The following EMG1 variants were observed in gnomAD, a reference collection of about 807,000 sequenced individuals.
EMG1 encodes ribosomal RNA small subunit methyltransferase NEP1.
EMG1 carries 24 observed loss-of-function variants against 26.9 expected under a neutral mutation model. The ratio of observed to expected loss-of-function variants is 0.89; its 90% confidence interval spans 0.65 to 1.26. EMG1 has a LOEUF of 1.26. EMG1 is among the 50% of genes most tolerant of loss of function. The pLI is 0.00. For synonymous variants in EMG1, 140 were observed against 112.6 expected (o/e 1.24, Z -1.54); for missense variants, 299 against 307.6 (o/e 0.97, Z 0.21).
Position 6,978,001 on chromosome 12 carries a change from G to T in EMG1, c.*2192G>T. 1 of 569,640 alleles carries T rather than the reference G, an allele frequency of 1.8e-6. No individual in the cohort carries two copies. The highest frequency in any genetic ancestry group is 4.7e-4 in the Middle Eastern group (1 of 2,108). 35.3% of individuals were successfully genotyped at this position (569,640 alleles called of 1,614,324 possible). A position where few individuals can be genotyped will look rare whatever the true frequency, so the allele number is the denominator to read the frequency against. ...ACTGAGGCTGATGCTGAGATCAGTG[G>T]TGAACCAGACACTCTACTCAAGCTG... On this transcript the variant is annotated 3_prime_UTR_variant, in exon 6 of 6. Coordinates refer to ENST00000599672, the MANE Select transcript of EMG1 (RefSeq NM_006331.8).
chr12:6,990,120 A>G (rs1946573473), downstream of EMG1, among the ~76,000 whole-genome samples: 1 of 151,616 alleles, frequency 6.6e-6, no homozygotes, highest in Admixed American at 6.6e-5. Flanking sequence ...AGAAGCTACA[A>G]TGAGCTACGA....
At chr12:6,983,644 A>G, downstream of EMG1, 2 of 710,596 alleles carry the variant, frequency 2.8e-6, no homozygotes. Flanking sequence ...GGAGAGAGAA[A>G]AAAAAAACAA....
Position 6,977,591 on chromosome 12 carries a change from G to T in EMG1, c.*1782G>T. The T allele has an allele frequency of 6.2e-7, 1 of 1,614,172 alleles. No individual in the cohort carries two copies. Among genetic ancestry groups the T allele is most frequent in the Non-Finnish European group, 8.5e-7 (1 of 1,180,030 alleles). Reference sequence around the variant, plus strand: ...TATTCCCCTTCACCCCCACCCTGGAGGCCTACCTGTCTTTCCACAATAACA... The same window carrying T: ...TATTCCCCTTCACCCCCACCCTGGATGCCTACCTGTCTTTCCACAATAACA... On this transcript the variant is annotated 3_prime_UTR_variant, in exon 6 of 6. Coordinates refer to ENST00000599672, the MANE Select transcript of EMG1 (RefSeq NM_006331.8). This position sits in a 1 kb window ranked among gnomAD's most constrained non-coding sequence, Gnocchi z 4.5.
downstream of EMG1, chr12:6,980,073 G>A (rs1946454878): frequency 6.6e-6 from 1 of 150,628 alleles, no homozygotes; most frequent in African/African-American, 2.5e-5. Flanking sequence ...CTAGAGTCAG[G>A]GCCTTGCTCT....
At position 6,975,327 on chromosome 12, in the gene EMG1, G is replaced by A; in HGVS notation, c.570G>A (p.Val190=). 6.2e-7 allele frequency: 1 copy of A among 1,608,368 alleles called. No homozygotes were observed. The highest frequency in any genetic ancestry group is 1.1e-5 in the South Asian group (1 of 90,240). The change falls in exon 5 of 6, where the codon GTG becomes GTA. Residue 190 remains valine (V), a synonymous_variant. Transcript: ENST00000599672. ...IPVVSDVREL[V]PSSDPIVFVV... ...TTGTCAGTGATGTGCGTGAGCTGGT[G>A]CCCAGCAGTGATCCTATTGTTTTTG...
At position 6,975,242 on chromosome 12, in the gene EMG1, C is replaced by T. The variant is rs781882780; in HGVS notation, c.485C>T (p.Pro162Leu). 1.9e-6 allele frequency: 3 copies of T among 1,613,822 alleles called. No homozygotes were observed. In the Admixed American group the frequency reaches 5.0e-5, roughly 27 times the overall value. The change falls in exon 5 of 6, where the codon CCA becomes CTA. Residue 162 changes from proline (P) to leucine (L), a missense_variant. By Grantham distance (98) the Pro-to-Leu change is moderately conservative (BLOSUM62 -3). Coordinates refer to ENST00000599672, the MANE Select transcript of EMG1 (RefSeq NM_006331.8). ...TTTTTACTTTAGGTAATTAAGAATCCAGTATCAGATCACTTTCCAGTTGGA... is the reference window on the plus strand; with the variant it reads ...TTTTTACTTTAGGTAATTAAGAATCTAGTATCAGATCACTTTCCAGTTGGA... ...PQKLLKVIKNPVSDHFPVGCM... is the reference protein window; with the variant it reads ...PQKLLKVIKNLVSDHFPVGCM...
At chr12:6,994,557 TC>T (rs1555155851) in intron 7 of EMG1, among the ~76,000 whole-genome samples, 2 of 151,948 alleles carry the variant, frequency 1.3e-5, no homozygotes, top group African/African-American at 4.8e-5. Context: ...GCCTCAACTT[TC>T]TAGGTTCAAG....
At chr12:6,973,132 A>C (rs1946352823) in intron 1 of EMG1, among the ~76,000 whole-genome samples, 1 of 150,956 alleles carries the variant, frequency 6.6e-6, no homozygotes, top group Non-Finnish European at 1.5e-5. Flanking sequence ...AAGCCACCAC[A>C]CCTGGCTACT....
downstream of EMG1, chr12:6,982,573 T>C: frequency 1.2e-6 from 1 of 818,956 alleles, no homozygotes; most frequent in Non-Finnish European, 2.0e-6. Context: ...GGAGAGGGGT[T>C]AGAAATTAGG....
At chr12:6,993,915 A>G (rs1555155789) in intron 7 of EMG1, among the ~76,000 whole-genome samples, 3 of 152,120 alleles carry the variant, frequency 2.0e-5, no homozygotes, top group Non-Finnish European at 2.9e-5. Context: ...CCCAGCCTGG[A>G]TACTCTGCAT....
At chr12:6,992,066 C>T (rs782008721), downstream of EMG1, among the ~76,000 whole-genome samples, 1 of 151,144 alleles carries the variant, frequency 6.6e-6, no homozygotes, top group Non-Finnish European at 1.5e-5. Flanking sequence ...GTGGTGCATA[C>T]CAGTTAAAAA....
In EMG1 at chr12:6,979,687, T is replaced by G. The variant is rs1195322621; in HGVS notation, c.*3878T>G. The G allele has an allele frequency of 1.4e-6, 1 of 730,450 alleles. No individual in the cohort carries two copies. The highest frequency in any genetic ancestry group is 2.4e-6 in the Non-Finnish European group (1 of 417,632). The allele number at this position is 730,450 out of a possible 1,614,324, so 45.2% of individuals were successfully genotyped here. A position where few individuals can be genotyped will look rare whatever the true frequency, so the allele number is the denominator to read the frequency against. On this transcript the variant is annotated 3_prime_UTR_variant, in exon 6 of 6. Transcript: ENST00000599672. ...GTGTTTAGGGGTGTGGTTGTCTACC[T>G]GGAATGGGATGAGAAGCTCTGCTGC...
chr12:6,975,763 G>A lies in EMG1; in HGVS notation c.689G>A (p.Cys230Tyr). Residue 230 changes from cysteine (C) to tyrosine (Y), a missense_variant, in exon 6 of 6, where the codon TGT (cysteine) becomes TAT (tyrosine). Coordinates refer to ENST00000599672, the MANE Select transcript of EMG1 (RefSeq NM_006331.8). ...TACCCCCTTTCTGCTGCCCTCACCTGTGCAAAACTTACCACAGCCTTTGAG... is the reference window on the plus strand; with the variant it reads ...TACCCCCTTTCTGCTGCCCTCACCTATGCAAAACTTACCACAGCCTTTGAG... ...SNYPLSAALT[C>Y]AKLTTAFEEV... is the part of the protein sequence containing the mutation. 6.2e-7 allele frequency: 1 copy of A among 1,613,584 alleles called. No homozygotes were observed. The highest frequency in any genetic ancestry group is 8.5e-7 in the Non-Finnish European group (1 of 1,179,516).
downstream of EMG1, among the ~76,000 whole-genome samples, chr12:6,989,107 A>T (rs1946561189): frequency 6.6e-6 from 1 of 150,930 alleles, no homozygotes; most frequent in Admixed American, 6.6e-5. Flanking sequence ...TGGCAACAAG[A>T]GCGAAACTCC....
chr12:6,996,919 A>C (rs1003209158), intron 7 of EMG1, among the ~76,000 whole-genome samples: 1 of 152,200 alleles, frequency 6.6e-6, no homozygotes. Context: ...ATTCACTCCA[A>C]GAGACTGGGC....
At position 6,972,153 on chromosome 12, in the gene EMG1, G is replaced by T. The variant is rs782126237; in HGVS notation, c.168+1062G>T. 4.8e-5 allele frequency among the ~76,000 whole-genome samples: 7 copies of T among 146,636 alleles called. No individual in the cohort carries two copies. The South Asian group carries it at 6.5e-4, about 14-fold the overall frequency. On this transcript the variant is annotated intron_variant, in intron 1 of 5. Coordinates refer to ENST00000599672, the MANE Select transcript of EMG1 (RefSeq NM_006331.8). ...ACGATCTTGGCTCACTGCAGCCTCC[G>T]CCTCCCGGGTTCAATCGATTCTCCT...
rs1946440143 is a variant in EMG1 at position 6,979,005 on chromosome 12, G to C, written c.*3196G>C. 2 of 325,094 alleles carry C rather than the reference G, an allele frequency of 6.2e-6. No homozygotes were observed. The highest frequency in any genetic ancestry group is 5.6e-6 in the Non-Finnish European group (1 of 177,180). The allele number at this position is 325,094 out of a possible 1,614,324, so 20.1% of individuals were successfully genotyped here. Reference sequence around the variant, plus strand: ...TGTTAAGTACAGAGGGGCCCATATTGGATTTTAATTTAAGGAGAGAAACCT... The same window carrying C: ...TGTTAAGTACAGAGGGGCCCATATTCGATTTTAATTTAAGGAGAGAAACCT... On this transcript the variant is annotated 3_prime_UTR_variant, in exon 6 of 6. Coordinates refer to ENST00000599672, the MANE Select transcript of EMG1 (RefSeq NM_006331.8).
Position 6,978,380 on chromosome 12 carries a change from ATGG to A in EMG1, c.*2574_*2576del, listed in dbSNP as rs1565596661. The A allele has an allele frequency of 6.2e-7, 1 of 1,613,450 alleles. No homozygotes were observed. Among genetic ancestry groups the A allele is most frequent in the Non-Finnish European group, 8.5e-7 (1 of 1,179,836 alleles). ...GTTGGTGTTGATGTTGAATGAGGCAATGGTGCCAGTGAAGCGGGGGTTTGTTTC... is the reference window on the plus strand; with the variant it reads ...GTTGGTGTTGATGTTGAATGAGGCAATGCCAGTGAAGCGGGGGTTTGTTTC... On this transcript the variant is annotated 3_prime_UTR_variant, in exon 6 of 6. Coordinates refer to ENST00000599672, the MANE Select transcript of EMG1 (RefSeq NM_006331.8).
chr12:6,977,674 G>A lies in EMG1; in HGVS notation c.*1865G>A, dbSNP rs782703712. 1 of 1,614,210 alleles carries A rather than the reference G, an allele frequency of 6.2e-7. No individual in the cohort carries two copies. ...TCCTGAGTGCAGGCCGTGCCAGAGG[G>A]CCAGGAATAGCAACGAGAGACCCTG... On this transcript the variant is annotated 3_prime_UTR_variant, in exon 6 of 6. Coordinates refer to ENST00000599672, the MANE Select transcript of EMG1 (RefSeq NM_006331.8). The surrounding 1 kb of genome is among the most constrained non-coding windows in gnomAD (Gnocchi z 4.5).
Sources: allele counts gnomAD v4.1 joint callset (sites outside exome capture counted in the v4.1 genomes callset), GRCh38; gene constraint gnomAD v4.1.1; non-coding constraint Gnocchi (gnomAD v3.1); transcripts MANE v1.5; gene names NCBI Gene and HGNC (gene_info 2026-07-23, HGNC 2026-07-21).